PAWR: variants seen among roughly 807,000 people sequenced by gnomAD.
PAWR encodes the protein pro-apoptotic WT1 regulator.
Under a neutral mutation model 32.0 loss-of-function variants are expected in PAWR, and 23 were observed. The observed-to-expected ratio is 0.72, with a 90% CI of 0.52 to 1.02. The LOEUF is 1.02. Among genes scored for constraint, PAWR ranks in the 50% least tolerant of loss-of-function variants. The pLI is 0.00. For synonymous variants in PAWR, 226 were observed against 187.1 expected (o/e 1.21, Z -1.70); for missense variants, 457 against 437.7 (o/e 1.04, Z -0.39).
At chr12:79,610,476 CAG>C (rs2136694379) in intron 4 of PAWR, among the ~76,000 whole-genome samples, 1 of 152,166 alleles carries the variant, frequency 6.6e-6, no homozygotes, top group Admixed American at 6.5e-5. Context: ...ATAAAGTAGA[CAG>C]AAATTACGGG....
intron 4 of PAWR, among the ~76,000 whole-genome samples, chr12:79,609,716 A>G (rs1874351274): frequency 1.3e-5 from 2 of 151,948 alleles, no homozygotes; most frequent in Non-Finnish European, 2.9e-5. Context: ...CCACCCTTCA[A>G]TTCGTTCATG....
chr12:79,646,773 G>C (rs961846255), intron 2 of PAWR, among the ~76,000 whole-genome samples: 9 of 152,162 alleles, frequency 5.9e-5, no homozygotes, highest in Non-Finnish European at 1.2e-4. Flanking sequence ...GGTTTATGTA[G>C]TTACTTTAAT....
intron 2 of PAWR, among the ~76,000 whole-genome samples, chr12:79,676,955 C>T (rs1878200055): frequency 6.6e-6 from 1 of 152,176 alleles, no homozygotes; most frequent in South Asian, 2.1e-4. Context: ...AAGAGTATGA[C>T]CTAACATTTA....
At chr12:79,639,689 T>G (rs1041671847) in intron 2 of PAWR, among the ~76,000 whole-genome samples, 1 of 152,188 alleles carries the variant, frequency 6.6e-6, no homozygotes, top group East Asian at 1.9e-4. Context: ...AAATTAAAAG[T>G]TTAGGTCTAT....
intron 3 of PAWR, among the ~76,000 whole-genome samples, chr12:79,613,967 ATATATATATATATTTTTTTTTTTTTTTTT>A (rs1874591018): frequency 2.3e-4 from 2 of 8,570 alleles, no homozygotes; most frequent in African/African-American, 6.7e-4. Flanking sequence ...ATATATATAT[ATATATATATATATTTTTTTTTTTTTTTTT>A]TTTTTTTTTT....
At chr12:79,670,687 AATAG>A (rs1877847534) in intron 2 of PAWR, among the ~76,000 whole-genome samples, 1 of 152,190 alleles carries the variant, frequency 6.6e-6, no homozygotes, top group African/African-American at 2.4e-5. Flanking sequence ...CGAATTTATC[AATAG>A]ATACTCTCTA....
rs780563340 is a variant in PAWR at position 79,621,149 on chromosome 12, G to A, written c.575C>T (p.Ala192Val). Residue 192 changes from alanine to valine, a missense_variant, in exon 3 of 7, where the codon GCA becomes GTA. Physicochemically the swap from Ala to Val is moderately conservative, Grantham distance 64. Transcript: ENST00000328827. ...CTGAATAGTGTTCTGTTGTGTAATT[G>A]CATCTTCTCGTTTCCGCTCTTTCTG... ...AGQKERKRED[A>V]ITQQNTIQNE... The A allele has an allele frequency of 9.9e-6, 16 of 1,609,538 alleles. No homozygotes were observed. The highest frequency in any genetic ancestry group is 1.3e-5 in the Non-Finnish European group (15 of 1,176,962).
intron 2 of PAWR, among the ~76,000 whole-genome samples, chr12:79,633,277 C>T (rs552133909): frequency 6.6e-6 from 1 of 152,132 alleles, no homozygotes; most frequent in Admixed American, 6.5e-5. Context: ...GTAGCCAGAA[C>T]ATATAATGAG....
intron 2 of PAWR, among the ~76,000 whole-genome samples, chr12:79,645,706 G>T (rs1414124522): frequency 6.6e-6 from 1 of 152,042 alleles, no homozygotes; most frequent in Non-Finnish European, 1.5e-5. Context: ...TAGAGATCTT[G>T]GTAACATTAC....
intron 4 of PAWR, chr12:79,603,884 A>T (rs1050988444): frequency 6.6e-6 from 1 of 151,794 alleles, no homozygotes; most frequent in African/African-American, 2.4e-5. Context: ...CATGTTGACC[A>T]GGCTGGTCTC....
chr12:79,658,070 C>T (rs1339728102), intron 2 of PAWR, among the ~76,000 whole-genome samples: 1 of 151,996 alleles, frequency 6.6e-6, no homozygotes. Context: ...AGAAAGAGCA[C>T]CAAAGCAGTC....
At chr12:79,616,704 C>A (rs547561922) in intron 3 of PAWR, among the ~76,000 whole-genome samples, 1 of 152,024 alleles carries the variant, frequency 6.6e-6, no homozygotes, top group East Asian at 1.9e-4. Context: ...TTCTACATTT[C>A]TCTACAGTTG....
intron 2 of PAWR, among the ~76,000 whole-genome samples, chr12:79,686,461 C>T (rs961320054): frequency 1.5e-4 from 23 of 152,302 alleles, no homozygotes; most frequent in African/African-American, 5.5e-4. Context: ...CACTGACTCA[C>T]ATTTGAATCA....
intron 2 of PAWR, among the ~76,000 whole-genome samples, chr12:79,689,471 A>G (rs1222918140): frequency 5.3e-5 from 8 of 152,166 alleles, no homozygotes; most frequent in African/African-American, 1.9e-4. Flanking sequence ...TCTTTCTACC[A>G]CGGTAAAAAA....
At chr12:79,642,368 G>A (rs1876367182) in intron 2 of PAWR, among the ~76,000 whole-genome samples, 1 of 151,926 alleles carries the variant, frequency 6.6e-6, no homozygotes, top group Admixed American at 6.5e-5. Flanking sequence ...GCCTACATTA[G>A]GTCAGATGTA....
At chr12:79,626,507 C>A (rs988765376) in intron 2 of PAWR, among the ~76,000 whole-genome samples, 1 of 151,710 alleles carries the variant, frequency 6.6e-6, no homozygotes, top group Admixed American at 6.6e-5. Flanking sequence ...GATCCACCCC[C>A]CACGGCCTCC....
chr12:79,620,392 G>A (rs538316838), intron 3 of PAWR, among the ~76,000 whole-genome samples: 1 of 152,126 alleles, frequency 6.6e-6, no homozygotes, highest in African/African-American at 2.4e-5. Context: ...TCATAAAGAA[G>A]AGCTGCTTGG....
At chr12:79,627,493 C>T (rs1422651387) in intron 2 of PAWR, among the ~76,000 whole-genome samples, 1 of 152,086 alleles carries the variant, frequency 6.6e-6, no homozygotes, top group Non-Finnish European at 1.5e-5. Flanking sequence ...GATATTAGCC[C>T]TTTGTCACAT....
intron 2 of PAWR, among the ~76,000 whole-genome samples, chr12:79,651,462 G>T (rs1469894663): frequency 6.6e-6 from 1 of 152,074 alleles, no homozygotes; most frequent in African/African-American, 2.4e-5. Context: ...TTCATCTTCC[G>T]TATCTCAGCT....
Sources: allele counts gnomAD v4.1 joint callset (sites outside exome capture counted in the v4.1 genomes callset), GRCh38; gene constraint gnomAD v4.1.1; transcripts MANE v1.5; gene names NCBI Gene and HGNC (gene_info 2026-07-23, HGNC 2026-07-21).